ETS1: variants seen among roughly 807,000 people sequenced by gnomAD.
ETS1 encodes the protein ETS proto-oncogene 1, transcription factor.
ETS1 carries 15 observed loss-of-function variants against 58.6 expected under a neutral mutation model. That is an observed-to-expected ratio of 0.26 (90% CI 0.17 to 0.39). The LOEUF is 0.39. Ranked by LOEUF, ETS1 falls within the 10% of genes least tolerant of loss-of-function variation. The probability of loss-of-function intolerance (pLI) is 1.00; values close to 1 mark genes in which losing one functional copy is unlikely to be tolerated. For synonymous variants in ETS1, 214 were observed against 218.2 expected, an observed-to-expected ratio of 0.98 and a Z score of 0.17; for missense variants, 417 against 610.5, an observed-to-expected ratio of 0.68 and a Z score of 3.34.
chr11:128,544,108 C>G (rs1007989290), intron 3 of ETS1, among the ~76,000 whole-genome samples: 1 of 152,064 alleles, frequency 6.6e-6, no homozygotes, highest in Non-Finnish European at 1.5e-5. Context: ...GATACATGTT[C>G]TAGCAATTAA....
At chr11:128,494,129 A>G (rs1862875835) in intron 3 of ETS1, among the ~76,000 whole-genome samples, 1 of 152,238 alleles carries the variant, frequency 6.6e-6, no homozygotes, top group Non-Finnish European at 1.5e-5. Context: ...AAAAATACTG[A>G]AATCTCCTTT....
At chr11:128,543,486 G>A (rs1297961250) in intron 3 of ETS1, among the ~76,000 whole-genome samples, 1 of 152,112 alleles carries the variant, frequency 6.6e-6, no homozygotes, top group African/African-American at 2.4e-5. Context: ...CAGTAACTAT[G>A]GGGGAGGTGC....
At chr11:128,565,863 G>A (rs1251330469) in intron 2 of ETS1, among the ~76,000 whole-genome samples, 1 of 152,168 alleles carries the variant, frequency 6.6e-6, no homozygotes, top group African/African-American at 2.4e-5. Context: ...TAGGCTTCAT[G>A]GTAGCAAGCA....
At chr11:128,562,739 A>G (rs1864423935) in intron 2 of ETS1, among the ~76,000 whole-genome samples, 2 of 152,078 alleles carry the variant, frequency 1.3e-5, no homozygotes, top group South Asian at 2.1e-4. Flanking sequence ...CACCACCACC[A>G]TTCCTGCAAG....
At chr11:128,555,844 G>A (rs1358817802) in intron 3 of ETS1, among the ~76,000 whole-genome samples, 2 of 152,144 alleles carry the variant, frequency 1.3e-5, no homozygotes, top group Non-Finnish European at 1.5e-5. Context: ...GAGAGACAGA[G>A]GAAAAAGAAT....
At chr11:128,514,914 C>T (rs57086661) in intron 3 of ETS1, among the ~76,000 whole-genome samples, 3,668 of 152,232 alleles carry the variant, frequency 0.024, 150 homozygotes, top group African/African-American at 0.084. Context: ...TTTAGTTTTA[C>T]AATTTCCTTT....
At chr11:128,576,149 G>A (rs1344582183) in intron 1 of ETS1, among the ~76,000 whole-genome samples, 2 of 152,206 alleles carry the variant, frequency 1.3e-5, no homozygotes, top group Non-Finnish European at 2.9e-5. Flanking sequence ...TGACAAGAGG[G>A]AGTTGCCAGG....
At chr11:128,568,163 C>T (rs931378248) in intron 2 of ETS1, among the ~76,000 whole-genome samples, 12 of 152,258 alleles carry the variant, frequency 7.9e-5, no homozygotes, top group Non-Finnish European at 1.8e-4. Context: ...AGTTCCTTTC[C>T]TCTGTACAGC....
chr11:128,479,269 T>C (rs145515174), intron 8 of ETS1, among the ~76,000 whole-genome samples: 3 of 152,270 alleles, frequency 2.0e-5, no homozygotes, highest in Non-Finnish European at 4.4e-5. Flanking sequence ...CATGAAAACA[T>C]ATCCAGGGTG....
intron 8 of ETS1, among the ~76,000 whole-genome samples, chr11:128,477,753 C>G (rs540971636): frequency 3.3e-5 from 5 of 152,328 alleles, no homozygotes; most frequent in Admixed American, 6.5e-5. Flanking sequence ...TCCAAGGAGA[C>G]AGTGAGCCCA....
intron 1 of ETS1, among the ~76,000 whole-genome samples, chr11:128,578,730 T>C (rs1488942413): frequency 6.6e-6 from 1 of 152,198 alleles, no homozygotes; most frequent in East Asian, 1.9e-4. Flanking sequence ...TCTCCACATG[T>C]TCTTTTGTAA....
rs544394233 is a variant in ETS1 at position 128,461,532 on chromosome 11, T to C, written c.*829A>G. The C allele has an allele frequency of 2.7e-4, 42 of 152,790 alleles. No individual in the cohort carries two copies. Among genetic ancestry groups the C allele is most frequent in the African/African-American group, 9.2e-4 (38 of 41,530 alleles). The allele number at this position is 152,790 out of a possible 1,614,324, so 9.5% of individuals were successfully genotyped here. A position where few individuals can be genotyped will look rare whatever the true frequency, so the allele number is the denominator to read the frequency against. On this transcript the variant is annotated 3_prime_UTR_variant, in exon 10 of 10. Transcript: ENST00000392668. Reference sequence around the variant, plus strand: ...TAATTTTTTTTAATTGTAGATGACATTCACACACATAATTCCCCTGTACCC... The same window carrying C: ...TAATTTTTTTTAATTGTAGATGACACTCACACACATAATTCCCCTGTACCC...
At chr11:128,522,650 C>CT (rs1228908915) in intron 3 of ETS1, among the ~76,000 whole-genome samples, 3 of 152,214 alleles carry the variant, frequency 2.0e-5, no homozygotes, top group African/African-American at 7.2e-5. Flanking sequence ...CACAGGCCGC[C>CT]TCCACCGTTT....
intron 2 of ETS1, among the ~76,000 whole-genome samples, chr11:128,560,851 G>A (rs1244235272): frequency 6.6e-6 from 1 of 152,130 alleles, no homozygotes; most frequent in African/African-American, 2.4e-5. Context: ...GTACCAATGT[G>A]TAGGGGGAGG....
intron 3 of ETS1, among the ~76,000 whole-genome samples, chr11:128,515,220 C>G (rs549231147): frequency 2.8e-4 from 42 of 151,762 alleles, no homozygotes; most frequent in African/African-American, 9.9e-4. Flanking sequence ...GAAGACACGT[C>G]CCTCTACTTC....
chr11:128,520,981 T>C (rs1384806981), intron 3 of ETS1, among the ~76,000 whole-genome samples: 2 of 152,190 alleles, frequency 1.3e-5, no homozygotes, highest in African/African-American at 2.4e-5. Context: ...TCTTTCTATA[T>C]ACTTTCACCT....
chr11:128,577,110 A>G (rs1864767291), intron 1 of ETS1, among the ~76,000 whole-genome samples: 2 of 152,246 alleles, frequency 1.3e-5, no homozygotes, highest in Admixed American at 6.5e-5. Flanking sequence ...ACCATGGGGC[A>G]TAATGGAAAC....
chr11:128,518,007 G>GA (rs1360421183), intron 3 of ETS1, among the ~76,000 whole-genome samples: 5 of 152,308 alleles, frequency 3.3e-5, no homozygotes, highest in African/African-American at 1.2e-4. Context: ...CTGCATAATT[G>GA]AAAACTTGAC....
chr11:128,488,906 C>T (rs1371302626), intron 5 of ETS1, among the ~76,000 whole-genome samples: 4 of 152,088 alleles, frequency 2.6e-5, no homozygotes, highest in Non-Finnish European at 2.9e-5. Flanking sequence ...TGCATCAAGG[C>T]AGTGTGTATT....
Sources: allele counts gnomAD v4.1 joint callset (sites outside exome capture counted in the v4.1 genomes callset), GRCh38; gene constraint gnomAD v4.1.1; transcripts MANE v1.5; gene names NCBI Gene and HGNC (gene_info 2026-07-23, HGNC 2026-07-21).